RBFOX1: variants seen among roughly 807,000 people sequenced by gnomAD.
RBFOX1 encodes RNA binding fox-1 homolog 1.
RBFOX1 carries 8 observed loss-of-function variants against 57.7 expected under a neutral mutation model. That is an observed-to-expected ratio of 0.14 (90% CI 0.08 to 0.25). The LOEUF is 0.25. Ranked by LOEUF, RBFOX1 falls within the 10% of genes least tolerant of loss-of-function variation. The probability of loss-of-function intolerance (pLI) is 1.00; values close to 1 mark genes in which losing one functional copy is unlikely to be tolerated. For synonymous variants in RBFOX1, 326 were observed against 222.4 expected, an observed-to-expected ratio of 1.47 and a Z score of -4.15; for missense variants, 611 against 548.5, an observed-to-expected ratio of 1.11 and a Z score of -1.14.
chr16:7,331,579 G>A (rs1417195724), intron 4 of RBFOX1, among the ~76,000 whole-genome samples: 1 of 152,056 alleles, frequency 6.6e-6, no homozygotes, highest in African/African-American at 2.4e-5. Flanking sequence ...AGGAAAACAG[G>A]GAATACATGA....
chr16:6,309,368 C>G (rs1350976457), intron 1 of RBFOX1, among the ~76,000 whole-genome samples: 1 of 152,166 alleles, frequency 6.6e-6, no homozygotes, highest in Non-Finnish European at 1.5e-5. Context: ...GGAGTACACA[C>G]AGTTGCATCC....
At chr16:6,987,456 G>GACACACACACACACACAC (rs199503873) in intron 3 of RBFOX1, among the ~76,000 whole-genome samples, 1 of 135,418 alleles carries the variant, frequency 7.4e-6, no homozygotes, top group South Asian at 2.6e-4. Flanking sequence ...AAACTTTTCA[G>GACACACACACACACACAC]ACACACACAC....
At chr16:5,672,720 A>G (rs1224122774) in intron 3 of RBFOX1, among the ~76,000 whole-genome samples, 9 of 5,474 alleles carry the variant, frequency 1.6e-3, no homozygotes, top group South Asian at 0.011. Context: ...GTCAAGAGGA[A>G]AAAAACTTTA....
At chr16:6,032,737 A>G (rs952202434) in intron 1 of RBFOX1, among the ~76,000 whole-genome samples, 2 of 152,244 alleles carry the variant, frequency 1.3e-5, no homozygotes, top group African/African-American at 4.8e-5. Context: ...ACAGTTATAA[A>G]TGAAAAGATC....
chr16:7,423,496 G>C (rs554659509), intron 4 of RBFOX1, among the ~76,000 whole-genome samples: 19 of 152,206 alleles, frequency 1.2e-4, no homozygotes, highest in Non-Finnish European at 1.6e-4. Context: ...AGGCTTTGGG[G>C]TAGCTTGTGA....
At chr16:6,927,771 GTT>G (rs1189197049) in intron 3 of RBFOX1, among the ~76,000 whole-genome samples, 1 of 152,086 alleles carries the variant, frequency 6.6e-6, no homozygotes, top group East Asian at 1.9e-4. Context: ...TCCAATCATT[GTT>G]TTTGTTCTGT....
At chr16:6,468,564 G>C (rs971602995) in intron 2 of RBFOX1, among the ~76,000 whole-genome samples, 1 of 151,676 alleles carries the variant, frequency 6.6e-6, no homozygotes, top group African/African-American at 2.4e-5. Context: ...AATTCTAAAG[G>C]GAAATTATTC....
rs79001599 is a variant in RBFOX1 at position 6,277,805 on chromosome 16, A to G, written c.-126-39190A>G. Among the ~76,000 whole-genome samples the G allele has an allele frequency of 2.3e-3, 345 of 152,238 alleles. 2 individuals carry two copies. Among genetic ancestry groups the G allele is most frequent in the South Asian group, 5.2e-3 (25 of 4,818 alleles). On this transcript the variant is annotated intron_variant, in intron 1 of 15. Transcript: ENST00000550418. ...AGGGGTGGCAATGAAGACGTGTGCT[A>G]GAGACATACAAGATTCTGATTGCGA...
intron 4 of RBFOX1, among the ~76,000 whole-genome samples, chr16:7,501,691 GT>G (rs1390326388): frequency 6.6e-6 from 1 of 152,168 alleles, no homozygotes; most frequent in East Asian, 1.9e-4. Flanking sequence ...TCTACATATT[GT>G]TTTGTCAGTC....
Position 5,965,031 on chromosome 16 carries a change from T to C in RBFOX1, c.351+97696T>C, listed in dbSNP as rs1274718331. ...ATTATGCTAGGTGAAGTAAGCCAGA[T>C]ACAGAAAGACACAAATACTCTATAA... On this transcript the variant is annotated intron_variant, in intron 4 of 19. Coordinates refer to the RBFOX1 transcript ENST00000641259. Among the ~76,000 whole-genome samples, 4 of 152,120 alleles carry C rather than the reference T, an allele frequency of 2.6e-5. No homozygotes were observed. The East Asian group carries it at 7.7e-4, about 29-fold the overall frequency.
At chr16:5,499,886 T>G (rs138948346) in intron 2 of RBFOX1, among the ~76,000 whole-genome samples, 57 of 152,330 alleles carry the variant, frequency 3.7e-4, no homozygotes, top group African/African-American at 1.3e-3. Flanking sequence ...CCCAGGTTTT[T>G]CTGACTCCAA....
At chr16:6,377,787 T>C (rs1259042457) in intron 2 of RBFOX1, among the ~76,000 whole-genome samples, 2 of 152,214 alleles carry the variant, frequency 1.3e-5, no homozygotes, top group African/African-American at 4.8e-5. Flanking sequence ...TAATTTTAGA[T>C]AGAGGCGGTA....
intron 3 of RBFOX1, among the ~76,000 whole-genome samples, chr16:6,928,608 C>T (rs990827825): frequency 6.6e-6 from 1 of 152,130 alleles, no homozygotes. Context: ...TACAGTTACC[C>T]TGTAGCTCCC....
At chr16:6,339,851 C>A (rs1001128355) in intron 2 of RBFOX1, among the ~76,000 whole-genome samples, 1 of 151,112 alleles carries the variant, frequency 6.6e-6, no homozygotes, top group South Asian at 2.1e-4. Context: ...TTTTTTATTT[C>A]TATTTTTAGT....
At chr16:6,874,373 A>G (rs184049859) in intron 3 of RBFOX1, among the ~76,000 whole-genome samples, 122 of 152,018 alleles carry the variant, frequency 8.0e-4, no homozygotes, top group Admixed American at 1.7e-3. Flanking sequence ...AGCCAGGCAT[A>G]TTGGCAGGTG....
chr16:6,493,750 AGAAAGGCAGGTGCTGTTC>A (rs1346093894), intron 2 of RBFOX1, among the ~76,000 whole-genome samples: 2 of 152,240 alleles, frequency 1.3e-5, no homozygotes, highest in African/African-American at 4.8e-5. Context: ...AACACTTCAG[AGAAAGGCAGGTGCTGTTC>A]AGATTGCTTC....
chr16:5,442,637 G>A (rs544779028), intron 1 of RBFOX1, among the ~76,000 whole-genome samples: 4 of 152,196 alleles, frequency 2.6e-5, no homozygotes, highest in Non-Finnish European at 5.9e-5. Context: ...GGCTTGGGAA[G>A]TGTAAATTAG....
chr16:7,540,397 C>A (rs375024811), intron 5 of RBFOX1, among the ~76,000 whole-genome samples: 1 of 152,204 alleles, frequency 6.6e-6, no homozygotes, highest in Non-Finnish European at 1.5e-5. Flanking sequence ...TCCAGGCTCC[C>A]TCAGGTGTTA....
chr16:7,686,389 C>G (rs544114935), intron 14 of RBFOX1, among the ~76,000 whole-genome samples: 6 of 152,000 alleles, frequency 3.9e-5, no homozygotes, highest in Admixed American at 2.6e-4. Flanking sequence ...TATTTGTTAT[C>G]TTTTCTGCTC....
Sources: gnomAD v4.1 joint callset for allele counts (sites outside exome capture counted in the v4.1 genomes callset) on GRCh38, gnomAD v4.1.1 for gene constraint, MANE v1.5 for transcripts, NCBI Gene and HGNC (gene_info 2026-07-23, HGNC 2026-07-21) for gene names.